The following PFKFB3 variants were observed in gnomAD, a reference collection of about 807,000 sequenced individuals.
The protein encoded by PFKFB3 is 6-phosphofructo-2-kinase/fructose-2,6-bisphosphatase 3.
PFKFB3 carries 33 observed loss-of-function variants against 68.0 expected under a neutral mutation model. That is an observed-to-expected ratio of 0.49 (90% CI 0.37 to 0.65). The LOEUF is 0.65. Among genes scored for constraint, PFKFB3 ranks in the 30% least tolerant of loss-of-function variants. The probability of loss-of-function intolerance (pLI) is 0.00; values close to 1 mark genes in which losing one functional copy is unlikely to be tolerated. For synonymous variants in PFKFB3, 315 were observed against 288.2 expected, an observed-to-expected ratio of 1.09 and a Z score of -0.94; for missense variants, 586 against 712.2, an observed-to-expected ratio of 0.82 and a Z score of 2.02.
Position 6,151,275 on chromosome 10 carries a change from G to GGGCAGCCAC in PFKFB3, c.16+6262_16+6263insGGCAGCCAC, listed in dbSNP as rs1300791102. On this transcript the variant is annotated intron_variant, in intron 1 of 14. Transcript: ENST00000379789. The stretch of plus-strand genomic sequence containing the variant: ...TGGTTGGGGCAGCCACAAGGTGTCT[G>GGGCAGCCAC]AAGAGCAGCGGGGTTTGGTCGTCCT... Among the ~76,000 whole-genome samples the GGGCAGCCAC allele has an allele frequency of 9.8e-5, 15 of 152,310 alleles. 1 individual carries two copies. The South Asian group carries it at 1.7e-3, about 17-fold the overall frequency.
chr10:6,306,827 G>A, the PFKFB3 span, among the ~76,000 whole-genome samples: 4 of 152,196 alleles, frequency 2.6e-5, no homozygotes, highest in Non-Finnish European at 5.9e-5. Flanking sequence ...AGACAACCAA[G>A]TTACGGGGTC....
chr10:6,243,590 C>T (rs1374735567), intron 14 of PFKFB3, among the ~76,000 whole-genome samples: 1 of 152,248 alleles, frequency 6.6e-6, no homozygotes, highest in Non-Finnish European at 1.5e-5. Context: ...CGTTTTCCTT[C>T]TGGGGCCTGT....
Position 6,180,363 on chromosome 10 carries a change from G to A in PFKFB3, c.17-33260G>A, listed in dbSNP as rs548375408. 2.1e-4 allele frequency among the ~76,000 whole-genome samples: 32 copies of A among 152,288 alleles called. No homozygotes were observed. The East Asian group carries it at 4.8e-3, about 23-fold the overall frequency. Reference sequence around the variant, plus strand: ...AACAGGCTTATTGTACAAAGGACAGGAAAATATGAAGAAAGAAATCATTCA... The same window carrying A: ...AACAGGCTTATTGTACAAAGGACAGAAAAATATGAAGAAAGAAATCATTCA... On this transcript the variant is annotated intron_variant, in intron 1 of 14. Transcript: ENST00000379789.
At chr10:6,262,190 C>T in the PFKFB3 span, among the ~76,000 whole-genome samples, 1 of 152,028 alleles carries the variant, frequency 6.6e-6, no homozygotes, top group African/African-American at 2.4e-5. Context: ...CGTGGTGGCT[C>T]ACGCCTGTAG....
chr10:6,151,184 A>C (rs1841568528), intron 1 of PFKFB3, among the ~76,000 whole-genome samples: 1 of 152,050 alleles, frequency 6.6e-6, no homozygotes, highest in African/African-American at 2.4e-5. Flanking sequence ...AGTGTGTATG[A>C]GTCTTGGTGG....
At chr10:6,264,018 G>A in the PFKFB3 span, among the ~76,000 whole-genome samples, 1 of 152,154 alleles carries the variant, frequency 6.6e-6, no homozygotes, top group Admixed American at 6.5e-5. Context: ...TTGTGGTTTT[G>A]CCTTTTAGCT....
chr10:6,232,444 C>G (rs1845805662), intron 14 of PFKFB3, among the ~76,000 whole-genome samples: 1 of 151,928 alleles, frequency 6.6e-6, no homozygotes, highest in African/African-American at 2.4e-5. Context: ...TTCCCAGAAT[C>G]TGGATGCAGG....
chr10:6,184,488 G>A (rs139211238), intron 1 of PFKFB3, among the ~76,000 whole-genome samples: 235 of 151,858 alleles, frequency 1.5e-3, no homozygotes, highest in African/African-American at 5.4e-3. Flanking sequence ...TGTATTTTTT[G>A]AGATGGAGTC....
Position 6,203,124 on chromosome 10 carries a change from T to C in PFKFB3, c.-137T>C. 1 of 1,485,888 alleles carries C rather than the reference T, an allele frequency of 6.7e-7. No individual in the cohort carries two copies. Among genetic ancestry groups the C allele is most frequent in the South Asian group, 1.3e-5 (1 of 75,280 alleles). 92.0% of individuals were successfully genotyped at this position (1,485,888 alleles called of 1,614,324 possible). A position where few individuals can be genotyped will look rare whatever the true frequency, so the allele number is the denominator to read the frequency against. ...AACTTAGCCCAAAGCACGTTTCCCC[T>C]GGCAGCGCAGGAAACGCCCGGCCGC... On this transcript the variant is annotated 5_prime_UTR_variant, in exon 1 of 15. Transcript: ENST00000379775.
At chr10:6,205,966 TA>T (rs941775083) in intron 1 of PFKFB3, among the ~76,000 whole-genome samples, 8 of 69,648 alleles carry the variant, frequency 1.1e-4, no homozygotes, top group Non-Finnish European at 1.7e-4. Context: ...CCCGGCTAAT[TA>T]AAAAAAATTT....
At chr10:6,205,127 T>C (rs1042943625) in intron 1 of PFKFB3, among the ~76,000 whole-genome samples, 1 of 152,212 alleles carries the variant, frequency 6.6e-6, no homozygotes, top group Non-Finnish European at 1.5e-5. Flanking sequence ...AATGGATTAA[T>C]TCTTTTGTCC....
chr10:6,151,396 C>G (rs1841581244), intron 1 of PFKFB3, among the ~76,000 whole-genome samples: 1 of 151,932 alleles, frequency 6.6e-6, no homozygotes, highest in Non-Finnish European at 1.5e-5. Context: ...GGCTTCAACA[C>G]TCACTTGTCA....
intron 6 of PFKFB3, among the ~76,000 whole-genome samples, chr10:6,218,228 T>C (rs1236555359): frequency 2.6e-5 from 4 of 152,162 alleles, no homozygotes; most frequent in African/African-American, 9.7e-5. Context: ...GCAAGGAGTT[T>C]AGCATTTGTC....
chr10:6,166,821 CTTTT>C (rs144747290), intron 1 of PFKFB3, among the ~76,000 whole-genome samples: 13 of 95,278 alleles, frequency 1.4e-4, no homozygotes, highest in African/African-American at 3.5e-4. Flanking sequence ...CCTTCTTCTT[CTTTT>C]TTTTTTTTTT....
the PFKFB3 span, among the ~76,000 whole-genome samples, chr10:6,297,689 T>G: frequency 6.6e-6 from 1 of 152,158 alleles, no homozygotes; most frequent in South Asian, 2.1e-4. Context: ...AGCTGGAAGC[T>G]TCTTGTCATG....
At position 6,228,139 on chromosome 10, in the gene PFKFB3, C is replaced by T; in HGVS notation, c.1515+1774C>T. ...GGCGTGGGGTTTTTCAGGGCTTCGTCCCTGCAGATTGCGCCCTGCCTCCTG... is the reference window on the plus strand; with the variant it reads ...GGCGTGGGGTTTTTCAGGGCTTCGTTCCTGCAGATTGCGCCCTGCCTCCTG... On this transcript the variant is annotated intron_variant, in intron 14 of 14. Transcript: ENST00000379775. This position sits in a 1 kb window ranked among gnomAD's most constrained non-coding sequence, Gnocchi z 4.5. The T allele has an allele frequency of 6.8e-6, 11 of 1,606,286 alleles. No individual in the cohort carries two copies. In the Admixed American group the frequency reaches 8.3e-5, roughly 12 times the overall value.
downstream of PFKFB3, among the ~76,000 whole-genome samples, chr10:6,236,656 G>A (rs1846018805): frequency 1.3e-5 from 2 of 152,252 alleles, no homozygotes; most frequent in Non-Finnish European, 2.9e-5. Context: ...CACGTTTGAT[G>A]GCGTGAGATG....
the PFKFB3 span, among the ~76,000 whole-genome samples, chr10:6,307,275 T>C: frequency 6.6e-6 from 1 of 151,784 alleles, no homozygotes; most frequent in Non-Finnish European, 1.5e-5. Flanking sequence ...CAGTTCATTA[T>C]AATAAACCAC....
the PFKFB3 span, among the ~76,000 whole-genome samples, chr10:6,284,372 C>T: frequency 3.2e-4 from 48 of 152,262 alleles, no homozygotes; most frequent in African/African-American, 1.1e-3. Context: ...TTATTAGGCA[C>T]ATATACATTA....
Sources: gnomAD v4.1 joint callset for allele counts (sites outside exome capture counted in the v4.1 genomes callset) on GRCh38, gnomAD v4.1.1 for gene constraint, Gnocchi (gnomAD v3.1) non-coding constraint, MANE v1.5 for transcripts, NCBI Gene and HGNC (gene_info 2026-07-23, HGNC 2026-07-21) for gene names.